The following AKT3 variants were observed in gnomAD, a reference collection of about 807,000 sequenced individuals.
AKT3 encodes the protein AKT serine/threonine kinase 3.
AKT3 carries 15 observed loss-of-function variants against 65.3 expected under a neutral mutation model. That is an observed-to-expected ratio of 0.23 (90% CI 0.15 to 0.35). The LOEUF (loss-of-function observed/expected upper bound fraction) is 0.35. Among genes scored for constraint, AKT3 ranks in the 10% least tolerant of loss-of-function variants. The probability of loss-of-function intolerance (pLI) is 1.00; values close to 1 mark genes in which losing one functional copy is unlikely to be tolerated. For missense variants in AKT3, 243 were observed against 576.5 expected (o/e 0.42, Z 5.92); for synonymous variants, 206 against 183.8 (o/e 1.12, Z -0.98).
chr1:243,849,888 C>T (rs1274722006), intron 1 of AKT3, among the ~76,000 whole-genome samples, 152 bp downstream of exon 1: 1 of 152,072 alleles, frequency 6.6e-6, no homozygotes, highest in East Asian at 2.0e-4. Flanking sequence ...CCCACGCCCC[C>T]GGCGCGGTGA....
intron 2 of AKT3, among the ~76,000 whole-genome samples, chr1:243,729,985 C>A (rs896592031): frequency 6.6e-6 from 1 of 152,174 alleles, no homozygotes; most frequent in Non-Finnish European, 1.5e-5. Flanking sequence ...AGGAGGCAGA[C>A]AAATTCCTAG....
intron 2 of AKT3, among the ~76,000 whole-genome samples, chr1:243,832,637 G>A (rs536920439): frequency 6.6e-6 from 1 of 152,292 alleles, no homozygotes; most frequent in African/African-American, 2.4e-5. Flanking sequence ...GCACTGATGT[G>A]GCTTTTTACT....
chr1:243,785,958 A>G (rs995731337), intron 2 of AKT3, among the ~76,000 whole-genome samples: 2 of 152,238 alleles, frequency 1.3e-5, no homozygotes, highest in African/African-American at 4.8e-5. Context: ...TAACCAATTT[A>G]GTCCAGCTTC....
intron 11 of AKT3, among the ~76,000 whole-genome samples, chr1:243,550,392 C>T (rs1672965645): frequency 6.6e-6 from 1 of 152,106 alleles, no homozygotes; most frequent in Non-Finnish European, 1.5e-5. Flanking sequence ...AGGCGGTTAA[C>T]ATTCTAAGAA....
Position 243,817,832 on chromosome 1 carries a change from A to G in AKT3, c.46+25293T>C, listed in dbSNP as rs539355327. Reference sequence around the variant, plus strand: ...TAATAGCTTTTTAATTTCTTAAACTATCTTCCATTATTTACTTACTTGAAA... The same window carrying G: ...TAATAGCTTTTTAATTTCTTAAACTGTCTTCCATTATTTACTTACTTGAAA... On this transcript the variant is annotated intron_variant, in intron 2 of 13. Transcript: ENST00000673466. Among the ~76,000 whole-genome samples, 14 of 152,360 alleles carry G rather than the reference A, an allele frequency of 9.2e-5. No individual in the cohort carries two copies. The South Asian group carries it at 2.9e-3, about 32-fold the overall frequency.
At chr1:243,845,602 A>AAAAAAAG (rs1695486747) in intron 1 of AKT3, among the ~76,000 whole-genome samples, 1 of 143,172 alleles carries the variant, frequency 7.0e-6, no homozygotes, top group African/African-American at 2.6e-5. Flanking sequence ...AAAAAAAAAA[A>AAAAAAAG]AGAAAAGAAA....
intron 2 of AKT3, among the ~76,000 whole-genome samples, chr1:243,758,599 G>T (rs148528136): frequency 5.3e-5 from 8 of 152,292 alleles, no homozygotes; most frequent in Admixed American, 1.3e-4. Flanking sequence ...TTTTTCCATA[G>T]ACCTTGGAAG....
chr1:243,837,680 A>G (rs1204523958), intron 2 of AKT3, among the ~76,000 whole-genome samples: 1 of 152,230 alleles, frequency 6.6e-6, no homozygotes, highest in Non-Finnish European at 1.5e-5. Context: ...AATCTTTAGA[A>G]AAAACTGACC....
At chr1:243,625,429 G>T (rs796767170) in intron 6 of AKT3, among the ~76,000 whole-genome samples, 22 of 152,230 alleles carry the variant, frequency 1.4e-4, no homozygotes, top group African/African-American at 5.3e-4. Flanking sequence ...CACTGCGCCT[G>T]GCCCAGTCTG....
At chr1:243,728,195 A>T (rs1687332911) in intron 2 of AKT3, among the ~76,000 whole-genome samples, 1 of 152,230 alleles carries the variant, frequency 6.6e-6, no homozygotes, top group Admixed American at 6.5e-5. Context: ...AAGCCCCAAC[A>T]GTATGTAAGA....
intron 2 of AKT3, among the ~76,000 whole-genome samples, chr1:243,831,676 A>G (rs74624610): frequency 0.026 from 3,996 of 152,260 alleles, 169 homozygotes; most frequent in African/African-American, 0.091. Context: ...GCTTCTCTGC[A>G]TTCTCCACTG....
chr1:243,797,187 A>G (rs1004175795), intron 2 of AKT3, among the ~76,000 whole-genome samples: 3 of 152,058 alleles, frequency 2.0e-5, no homozygotes, highest in Non-Finnish European at 2.9e-5. Context: ...AAAAAGCAAG[A>G]TAAAAAATAA....
At chr1:243,543,266 T>G (rs903093816) in intron 12 of AKT3, among the ~76,000 whole-genome samples, 1 of 152,130 alleles carries the variant, frequency 6.6e-6, no homozygotes, top group Admixed American at 6.5e-5. Flanking sequence ...GGTTGGGCTC[T>G]CAGAGCTTTC....
intron 2 of AKT3, among the ~76,000 whole-genome samples, chr1:243,831,457 C>CAA (rs1694501290): frequency 6.6e-6 from 1 of 151,948 alleles, no homozygotes. Flanking sequence ...CTTAAAAAGA[C>CAA]AGAGGGGAAA....
At chr1:243,604,841 A>G (rs921727691) in intron 8 of AKT3, among the ~76,000 whole-genome samples, 1 of 152,188 alleles carries the variant, frequency 6.6e-6, no homozygotes, top group Non-Finnish European at 1.5e-5. Context: ...GAAGTTGCTC[A>G]TTATTTAATA....
In AKT3 at chr1:243,500,367, G is replaced by A. The variant is rs371717791; in HGVS notation, c.*4882C>T. On this transcript the variant is annotated 3_prime_UTR_variant, in exon 14 of 14. Transcript: ENST00000673466. The stretch of plus-strand genomic sequence containing the variant: ...TACTCTTTCCATTCTGTTAAACAAC[G>A]AAAACAGACAAAAAAGCATCTTTGG... 5 of 224,018 alleles carry A rather than the reference G, an allele frequency of 2.2e-5. No individual in the cohort carries two copies. In the East Asian group the frequency reaches 2.6e-4, roughly 12 times the overall value. The allele number at this position is 224,018 out of a possible 1,614,324, so 13.9% of individuals were successfully genotyped here. A position where few individuals can be genotyped will look rare whatever the true frequency, so the allele number is the denominator to read the frequency against.
intron 2 of AKT3, among the ~76,000 whole-genome samples, chr1:243,817,767 A>G (rs1351697586): frequency 1.3e-5 from 2 of 152,234 alleles, no homozygotes; most frequent in African/African-American, 4.8e-5. Flanking sequence ...ACAAACAAAC[A>G]GTCTGAAAAC....
intron 13 of AKT3, among the ~76,000 whole-genome samples, chr1:243,506,712 C>T (rs574849300): frequency 4.6e-5 from 7 of 152,330 alleles, no homozygotes; most frequent in Non-Finnish European, 8.8e-5. Flanking sequence ...ATTTGTGGCT[C>T]CCTGCTCTGT....
rs553072235 is a variant in AKT3, at chr1:243,775,191, T to C, written c.46+67934A>G. 2.6e-5 allele frequency among the ~76,000 whole-genome samples: 4 copies of C among 152,260 alleles called. No homozygotes were observed. The South Asian group carries it at 6.2e-4, about 24-fold the overall frequency. On this transcript the variant is annotated intron_variant, in intron 2 of 13. Coordinates refer to ENST00000673466, the MANE Select transcript of AKT3 (RefSeq NM_005465.7). ...TTCCTATTATTTGTTTGTTTGTTTG[T>C]TTGTTTTGAGACAGAGTCTCACACT... is the stretch of plus-strand genomic sequence containing the variant.
Sources: gnomAD v4.1 joint callset for allele counts (sites outside exome capture counted in the v4.1 genomes callset) on GRCh38, gnomAD v4.1.1 for gene constraint, MANE v1.5 for transcripts, NCBI Gene and HGNC (gene_info 2026-07-23, HGNC 2026-07-21) for gene names.